The following EIF4G3 variants were observed in gnomAD, a reference collection of about 807,000 sequenced individuals.
EIF4G3 encodes the protein eukaryotic translation initiation factor 4 gamma 3, also known as eIF-4-gamma 3.
A neutral mutation model predicts 186.4 loss-of-function variants in EIF4G3; 34 were observed. The observed-to-expected ratio is 0.18, with a 90% CI of 0.14 to 0.24. EIF4G3 has a LOEUF of 0.24. EIF4G3 is among the 10% of genes least tolerant of loss of function. EIF4G3 has a pLI of 1.00. For synonymous variants in EIF4G3, 673 were observed against 679.5 expected, an observed-to-expected ratio of 0.99 and a Z score of 0.15; for missense variants, 1,536 against 1,948.5, an observed-to-expected ratio of 0.79 and a Z score of 3.99.
intron 10 of EIF4G3, among the ~76,000 whole-genome samples, chr1:20,975,147 C>T (rs1263797569): frequency 6.6e-6 from 1 of 151,196 alleles, no homozygotes; most frequent in Admixed American, 6.6e-5. Flanking sequence ...TGTAAAAAGA[C>T]CAAAAAAAAA....
At position 20,893,621 on chromosome 1, in the gene EIF4G3, A is replaced by G. The variant is rs1350400943; in HGVS notation, c.2149T>C (p.Leu717=). The change falls in exon 18 of 37, where the codon TTG becomes CTG. Residue 717 remains leucine, a synonymous_variant. Coordinates refer to ENST00000602326, the MANE Select transcript of EIF4G3 (RefSeq NM_001391906.1). The part of the protein sequence containing the change: ...VVLDKINQPK[L]PMRTLDPRIL... ...CGAGGATCCAGAGTTCGCATTGGCA[A>G]TTTGGGTTGGTTGATCTGCATGAAA... is the stretch of plus-strand genomic sequence containing the variant. 1.9e-6 allele frequency: 3 copies of G among 1,572,142 alleles called. No individual in the cohort carries two copies. Among genetic ancestry groups the G allele is most frequent in the East Asian group, 2.3e-5 (1 of 43,760 alleles).
intron 3 of EIF4G3, among the ~76,000 whole-genome samples, chr1:21,077,050 T>G (rs1237140662): frequency 1.3e-5 from 2 of 152,196 alleles, no homozygotes; most frequent in Admixed American, 1.3e-4. Context: ...ATTTGACAAT[T>G]GATTAACAGC....
At chr1:21,138,110 G>C (rs565254443) in intron 2 of EIF4G3, among the ~76,000 whole-genome samples, 1 of 152,218 alleles carries the variant, frequency 6.6e-6, no homozygotes, top group African/African-American at 2.4e-5. Context: ...AGGTAACACA[G>C]TTCATCAAAG....
chr1:21,060,110 C>A (rs573589409), intron 3 of EIF4G3, among the ~76,000 whole-genome samples: 164 of 152,274 alleles, frequency 1.1e-3, no homozygotes, highest in African/African-American at 3.7e-3. Flanking sequence ...CACTACCATG[C>A]CCGGCTAATT....
intron 18 of EIF4G3, among the ~76,000 whole-genome samples, chr1:20,887,215 C>T (rs4654883): frequency 0.57 from 78,132 of 138,004 alleles, 20,999 homozygotes; most frequent in East Asian, 0.83. Flanking sequence ...AATACTGCCA[C>T]CAGATTTTTT....
In EIF4G3 at chr1:20,851,309, C is replaced by T; in HGVS notation, c.3721G>A (p.Asp1241Asn). Residue 1241 changes from aspartate to asparagine, a missense_variant, in exon 28 of 37, where the codon GAT becomes AAT. By Grantham distance (23) the Asp-to-Asn change is conservative. Transcript: ENST00000602326. ...ETVKQLTGGV[D>N]VERNSTEAER... ...GCCTCAGTGCTGTTCCTCTCCACATCCACACCTCCTGTGAGCTGCTTCACG... is the reference window on the plus strand; with the variant it reads ...GCCTCAGTGCTGTTCCTCTCCACATTCACACCTCCTGTGAGCTGCTTCACG... 6.2e-7 allele frequency: 1 copy of T among 1,614,196 alleles called. No individual in the cohort carries two copies. Among genetic ancestry groups the T allele is most frequent in the Non-Finnish European group, 8.5e-7 (1 of 1,180,036 alleles).
intron 10 of EIF4G3, among the ~76,000 whole-genome samples, chr1:20,975,582 T>G (rs1241425165): frequency 1.3e-5 from 2 of 150,638 alleles, no homozygotes; most frequent in Non-Finnish European, 3.0e-5. Flanking sequence ...TCTGCCCTAC[T>G]ACTACTAATA....
chr1:20,849,046 CA>C (rs60344352), intron 29 of EIF4G3, among the ~76,000 whole-genome samples: 285 of 17,386 alleles, frequency 0.016, 1 homozygote, highest in Middle Eastern at 0.031. Flanking sequence ...GACTCTGTCT[CA>C]AAAAAAAAAA....
At chr1:21,106,869 A>C (rs1233247793) in intron 2 of EIF4G3, among the ~76,000 whole-genome samples, 2 of 152,186 alleles carry the variant, frequency 1.3e-5, no homozygotes, top group Non-Finnish European at 2.9e-5. Flanking sequence ...CACAGAAATG[A>C]CTATTGTATT....
At chr1:20,971,333 G>A (rs1260272271) in intron 11 of EIF4G3, among the ~76,000 whole-genome samples, 5 of 152,134 alleles carry the variant, frequency 3.3e-5, no homozygotes, top group African/African-American at 4.8e-5. Flanking sequence ...CTATTGTTTA[G>A]GTATGGAAAA....
intron 13 of EIF4G3, among the ~76,000 whole-genome samples, chr1:20,947,847 A>G (rs1469271994): frequency 1.3e-5 from 2 of 152,210 alleles, no homozygotes; most frequent in East Asian, 1.9e-4. Context: ...CCACTAAGCA[A>G]AACAAAAACA....
intron 13 of EIF4G3, among the ~76,000 whole-genome samples, chr1:20,943,065 A>G (rs1325650356): frequency 6.6e-6 from 1 of 152,164 alleles, no homozygotes; most frequent in African/African-American, 2.4e-5. Context: ...CAAAAGGCTG[A>G]GGTGGGAGGA....
At chr1:21,089,606 A>G (rs751139293) in intron 2 of EIF4G3, among the ~76,000 whole-genome samples, 2 of 152,160 alleles carry the variant, frequency 1.3e-5, no homozygotes, top group Non-Finnish European at 2.9e-5. Flanking sequence ...GTTCAAGACA[A>G]GCCTGGGCAA....
intron 12 of EIF4G3, among the ~76,000 whole-genome samples, chr1:20,964,502 T>C (rs2074182426): frequency 6.6e-6 from 1 of 152,172 alleles, no homozygotes; most frequent in African/African-American, 2.4e-5. Context: ...TGAAGAACAG[T>C]TTCAAATTCT....
intron 24 of EIF4G3, 83 bp from the exon 25 acceptor site, chr1:20,857,580 C>T: frequency 8.9e-7 from 1 of 1,129,598 alleles, no homozygotes; most frequent in Non-Finnish European, 1.3e-6. Flanking sequence ...TTCATCAAAA[C>T]CAAGGAGAAA....
At chr1:20,853,820 T>TC in intron 26 of EIF4G3, 143 bp from the exon 27 acceptor site, 1 of 618,952 alleles carries the variant, frequency 1.6e-6, no homozygotes, top group South Asian at 1.9e-5. Flanking sequence ...CCCTCTACCA[T>TC]ATTCTGAGAA....
intron 2 of EIF4G3, among the ~76,000 whole-genome samples, chr1:21,172,272 T>C (rs1485989356): frequency 6.6e-6 from 1 of 152,178 alleles, no homozygotes; most frequent in South Asian, 2.1e-4. Context: ...TTAGCTGAGA[T>C]GTCAACTTCT....
Position 20,869,769 on chromosome 1 carries a change from C to T in EIF4G3, c.2623-4507G>A, listed in dbSNP as rs1162176122. 9.0e-5 allele frequency among the ~76,000 whole-genome samples: 10 copies of T among 110,624 alleles called. No individual in the cohort carries two copies. In the South Asian group the frequency reaches 9.3e-4, roughly 10 times the overall value. 72.6% of individuals were successfully genotyped at this position (110,624 alleles called of 152,430 possible). A position where few individuals can be genotyped will look rare whatever the true frequency, so the allele number is the denominator to read the frequency against. ...TAGCCTGGGTGAAAGAGCAAGACTA[C>T]GTCTCAAAAAAAAAAAAAAAAAAAA... On this transcript the variant is annotated intron_variant, in intron 20 of 36. Transcript: ENST00000602326.
At chr1:21,164,883 A>G (rs1026620185) in intron 2 of EIF4G3, among the ~76,000 whole-genome samples, 1 of 152,148 alleles carries the variant, frequency 6.6e-6, no homozygotes, top group Non-Finnish European at 1.5e-5. Context: ...ATAAGCCACT[A>G]AATGAGAGAA....
Sources: gnomAD v4.1 joint callset for allele counts (sites outside exome capture counted in the v4.1 genomes callset) on GRCh38, gnomAD v4.1.1 for gene constraint, MANE v1.5 for transcripts, NCBI Gene and HGNC (gene_info 2026-07-23, HGNC 2026-07-21) for gene names.